The following CLMP variants were observed in gnomAD, a reference collection of about 807,000 sequenced individuals.
CLMP encodes CXADR like cell adhesion molecule, also known as CXADR-like membrane protein.
CLMP carries 27 observed loss-of-function variants against 45.2 expected under a neutral mutation model. That is an observed-to-expected ratio of 0.60 (90% CI 0.44 to 0.82). The LOEUF is 0.82. Ranked by LOEUF, CLMP falls within the 40% of genes least tolerant of loss-of-function variation. The probability of loss-of-function intolerance (pLI) is 0.00; values close to 1 mark genes in which losing one functional copy is unlikely to be tolerated. For missense variants in CLMP, 403 were observed against 448.4 expected (o/e 0.90, Z 0.91); for synonymous variants, 167 against 171.4 (o/e 0.97, Z 0.20).
chr11:123,089,548 A>G (rs997217632), intron 2 of CLMP, among the ~76,000 whole-genome samples: 4 of 149,154 alleles, frequency 2.7e-5, no homozygotes, highest in Admixed American at 2.7e-4. Context: ...GGCGGATCAC[A>G]AGGTCAGGAG....
intron 1 of CLMP, among the ~76,000 whole-genome samples, chr11:123,132,570 T>C (rs554429983): frequency 6.0e-4 from 92 of 152,110 alleles, no homozygotes; most frequent in Non-Finnish European, 1.2e-3. Context: ...GTGATTCTCC[T>C]GCCTCAGCCT....
chr11:123,149,407 G>T (rs760225636), intron 1 of CLMP, among the ~76,000 whole-genome samples: 12 of 152,154 alleles, frequency 7.9e-5, no homozygotes, highest in Admixed American at 2.0e-4. Context: ...AGGGATTTCT[G>T]GCTTTAGGCA....
At chr11:123,145,312 T>C (rs1293197711) in intron 1 of CLMP, among the ~76,000 whole-genome samples, 3 of 152,150 alleles carry the variant, frequency 2.0e-5, no homozygotes, top group Non-Finnish European at 2.9e-5. Flanking sequence ...CGTGCCAACC[T>C]CTGTGACTCA....
intron 1 of CLMP, among the ~76,000 whole-genome samples, chr11:123,104,399 TC>T (rs1399078608): frequency 6.7e-6 from 1 of 149,744 alleles, no homozygotes; most frequent in Non-Finnish European, 1.5e-5. Context: ...ATTTTTTTTT[TC>T]CCCAGACGGA....
rs941225975 is a variant in CLMP, at chr11:123,072,154, C to T, written c.*1320G>A. On this transcript the variant is annotated 3_prime_UTR_variant, in exon 7 of 7. Transcript: ENST00000448775. Reference sequence around the variant, plus strand: ...TAGGAGGGAACGGTTATGGCATATACTTGCAGTGCCATTAGAAGCATTGGC... The same window carrying T: ...TAGGAGGGAACGGTTATGGCATATATTTGCAGTGCCATTAGAAGCATTGGC... 28 of 152,164 alleles carry T rather than the reference C, an allele frequency of 1.8e-4. No homozygotes were observed. Among genetic ancestry groups the T allele is most frequent in the African/African-American group, 6.3e-4 (26 of 41,442 alleles). 9.4% of individuals were successfully genotyped at this position (152,164 alleles called of 1,614,324 possible).
intron 1 of CLMP, among the ~76,000 whole-genome samples, chr11:123,124,160 G>C (rs1045129066): frequency 2.0e-5 from 3 of 152,046 alleles, no homozygotes; most frequent in African/African-American, 7.2e-5. Context: ...ACAAGTGTCC[G>C]CTTTTATCTA....
chr11:123,077,198 C>T (rs981724402), intron 5 of CLMP, among the ~76,000 whole-genome samples: 1 of 151,688 alleles, frequency 6.6e-6, no homozygotes, highest in Non-Finnish European at 1.5e-5. Context: ...AGGGTTTCAC[C>T]ATGTCAGCCA....
chr11:123,137,715 T>G (rs77220333), intron 1 of CLMP, among the ~76,000 whole-genome samples: 302 of 152,236 alleles, frequency 2.0e-3, no homozygotes, highest in African/African-American at 6.5e-3. Context: ...GCGGCCACCC[T>G]GCCAGGCCCA....
At chr11:123,101,647 T>C (rs1422394550) in intron 1 of CLMP, among the ~76,000 whole-genome samples, 1 of 152,096 alleles carries the variant, frequency 6.6e-6, no homozygotes, top group Non-Finnish European at 1.5e-5. Context: ...AGTGGGAAAA[T>C]TATAACAGTA....
At chr11:123,164,152 GT>G (rs1407163510) in intron 1 of CLMP, among the ~76,000 whole-genome samples, 11 of 151,752 alleles carry the variant, frequency 7.2e-5, no homozygotes, top group Non-Finnish European at 1.6e-4. Context: ...ACCAAAAATT[GT>G]CCTTATCTGT....
At chr11:123,133,682 C>G (rs1488420757) in intron 1 of CLMP, among the ~76,000 whole-genome samples, 1 of 152,070 alleles carries the variant, frequency 6.6e-6, no homozygotes, top group Non-Finnish European at 1.5e-5. Context: ...TGAGAAAGAG[C>G]AGGTGCAGGA....
At chr11:123,168,342 G>C (rs1861586869) in intron 1 of CLMP, among the ~76,000 whole-genome samples, 1 of 152,176 alleles carries the variant, frequency 6.6e-6, no homozygotes, top group African/African-American at 2.4e-5. Context: ...ACAGCATCTA[G>C]GGCAGCTGCC....
At chr11:123,186,974 T>C (rs758295161) in intron 1 of CLMP, among the ~76,000 whole-genome samples, 2 of 152,126 alleles carry the variant, frequency 1.3e-5, no homozygotes, top group Non-Finnish European at 2.9e-5. Context: ...ACCCTCCAGA[T>C]ACCCATGAAC....
Position 123,147,009 on chromosome 11 carries a change from T to C in CLMP, c.28+47904A>G, listed in dbSNP as rs980763509. Among the ~76,000 whole-genome samples, 3 of 152,238 alleles carry C rather than the reference T, an allele frequency of 2.0e-5. No individual in the cohort carries two copies. The East Asian group carries it at 5.8e-4, about 29-fold the overall frequency. ...ATATATTCGAGCTCCTGAATACCTT[T>C]GACTCTGACCTTTCTCTATCCCTGT... is the stretch of plus-strand genomic sequence containing the variant. On this transcript the variant is annotated intron_variant, in intron 1 of 6. Coordinates refer to ENST00000448775, the MANE Select transcript of CLMP (RefSeq NM_024769.5).
intron 1 of CLMP, among the ~76,000 whole-genome samples, chr11:123,150,472 AAAGAAAGAAAGGAAGG>A (rs1201244182): frequency 2.8e-4 from 24 of 84,336 alleles, no homozygotes; most frequent in Non-Finnish European, 3.6e-4. Flanking sequence ...AGAAAGAAAG[AAAGAAAGAAAGGAAGG>A]AAGGAAGGAA....
intron 1 of CLMP, among the ~76,000 whole-genome samples, chr11:123,137,617 G>A (rs1020884036): frequency 2.0e-5 from 3 of 151,970 alleles, no homozygotes; most frequent in African/African-American, 7.2e-5. Context: ...CAGGCTGCAG[G>A]CTGCCTGCAG....
At chr11:123,123,370 G>A (rs1157417402) in intron 1 of CLMP, among the ~76,000 whole-genome samples, 2 of 147,676 alleles carry the variant, frequency 1.4e-5, no homozygotes, top group Non-Finnish European at 3.0e-5. Context: ...AGCCATTCTC[G>A]TGGATCAGCC....
intron 1 of CLMP, among the ~76,000 whole-genome samples, chr11:123,176,043 T>G (rs1317676983): frequency 1.3e-5 from 2 of 152,224 alleles, no homozygotes; most frequent in African/African-American, 2.4e-5. Flanking sequence ...GTAATCTGCA[T>G]GTGTATAAAA....
chr11:123,077,250 C>T (rs974633715), intron 5 of CLMP, among the ~76,000 whole-genome samples: 2 of 152,102 alleles, frequency 1.3e-5, no homozygotes, highest in African/African-American at 4.8e-5. Context: ...CTACCCCCCG[C>T]CTTGGCCTCC....
Sources: gnomAD v4.1 joint callset for allele counts (sites outside exome capture counted in the v4.1 genomes callset) on GRCh38, gnomAD v4.1.1 for gene constraint, MANE v1.5 for transcripts, NCBI Gene and HGNC (gene_info 2026-07-23, HGNC 2026-07-21) for gene names.